The following CCR1 variants were observed in gnomAD, a reference collection of about 807,000 sequenced individuals.
The protein encoded by CCR1 is C-C motif chemokine receptor 1, also known as C-C chemokine receptor type 1.
In CCR1, 1 loss-of-function variant was observed where a neutral mutation model predicts 0.3. The observed-to-expected ratio is 3.70, with a 90% CI of 1.31 to 17.54. The LOEUF (loss-of-function observed/expected upper bound fraction) is 17.54, where lower values mean the gene tolerates loss of function less well. Among genes scored for constraint, CCR1 ranks in the 30% most tolerant of loss-of-function variants. CCR1 has a pLI of 0.11. For synonymous variants in CCR1, 207 were observed against 182.5 expected (o/e 1.13, Z -1.08); for missense variants, 349 against 435.4 (o/e 0.80, Z 1.77).
intron 1 of CCR1, among the ~76,000 whole-genome samples, chr3:46,206,138 A>G (rs545000593): frequency 2.6e-5 from 4 of 152,240 alleles, no homozygotes; most frequent in Non-Finnish European, 5.9e-5. Context: ...TTTCTATCTT[A>G]AACCTGGGTC....
At chr3:46,207,074 T>G (rs926316830) in intron 1 of CCR1, among the ~76,000 whole-genome samples, 2 of 152,076 alleles carry the variant, frequency 1.3e-5, no homozygotes, top group Admixed American at 1.3e-4. Context: ...CTGACCACAG[T>G]GGGGGCATTT....
Position 46,203,508 on chromosome 3 carries a change from A to G in CCR1, c.806T>C (p.Phe269Ser). 1 of 1,614,222 alleles carries G rather than the reference A, an allele frequency of 6.2e-7. No homozygotes were observed. Among genetic ancestry groups the G allele is most frequent in the Non-Finnish European group, 8.5e-7 (1 of 1,180,030 alleles). The change falls in exon 2 of 2, where the codon TTC (phenylalanine) becomes TCC (serine). Residue 269 changes from phenylalanine (F) to serine (S), a missense_variant. Physicochemically the swap from Phe to Ser is radical, Grantham distance 155. Transcript: ENST00000296140. This position sits in a 1 kb window ranked among gnomAD's most constrained non-coding sequence, Gnocchi z 4.5. Reference protein sequence around the residue: ...ILISVFQDFLFTHECEQSRHL... With the variant: ...ILISVFQDFLSTHECEQSRHL... Reference sequence around the variant, plus strand: ...TCTGCTCTGCTCACACTCATGGGTGAACAGGAAGTCTTGGAAAACAGAAAT... The same window carrying G: ...TCTGCTCTGCTCACACTCATGGGTGGACAGGAAGTCTTGGAAAACAGAAAT...
intron 1 of CCR1, among the ~76,000 whole-genome samples, chr3:46,205,338 C>T (rs960987263): frequency 2.0e-5 from 3 of 152,038 alleles, no homozygotes; most frequent in African/African-American, 7.3e-5. Context: ...GGGAGGTAAC[C>T]TGGTCAGAAA....
rs1413208748 is a variant in CCR1 at position 46,202,328 on chromosome 3, C to T, written c.*918G>A. 1.3e-5 allele frequency: 2 copies of T among 152,188 alleles called. No individual in the cohort carries two copies. Among genetic ancestry groups the T allele is most frequent in the African/African-American group, 4.8e-5 (2 of 41,514 alleles). The allele number at this position is 152,188 out of a possible 1,614,324, so 9.4% of individuals were successfully genotyped here. ...AAAAGAAGGGAAACCAACCCTGCTTCCTTTTGCCTGTTATTAATCGCTGCA... is the reference window on the plus strand; with the variant it reads ...AAAAGAAGGGAAACCAACCCTGCTTTCTTTTGCCTGTTATTAATCGCTGCA... On this transcript the variant is annotated 3_prime_UTR_variant, in exon 2 of 2. Coordinates refer to ENST00000296140, the MANE Select transcript of CCR1 (RefSeq NM_001295.3).
intron 1 of CCR1, among the ~76,000 whole-genome samples, chr3:46,206,742 G>T (rs1044808898): frequency 3.9e-5 from 6 of 152,220 alleles, no homozygotes; most frequent in Admixed American, 6.5e-5. Flanking sequence ...TGTTCCTAAA[G>T]GGAGGTGATC....
chr3:46,207,685 G>A (rs1166807494), intron 1 of CCR1, among the ~76,000 whole-genome samples: 7 of 147,730 alleles, frequency 4.7e-5, no homozygotes, highest in South Asian at 2.1e-4. Flanking sequence ...TTGCTCTGTC[G>A]CCAGGCTGGA....
At chr3:46,207,841 C>G (rs1381812418) in intron 1 of CCR1, among the ~76,000 whole-genome samples, 1 of 152,080 alleles carries the variant, frequency 6.6e-6, no homozygotes, top group Non-Finnish European at 1.5e-5. Flanking sequence ...CAGGGTTTCA[C>G]CATATGGCCA....
Position 46,203,120 on chromosome 3 carries a change from A to C in CCR1, c.*126T>G. On this transcript the variant is annotated 3_prime_UTR_variant, in exon 2 of 2. Coordinates refer to ENST00000296140, the MANE Select transcript of CCR1 (RefSeq NM_001295.3). The surrounding 1 kb of genome is among the most constrained non-coding windows in gnomAD (Gnocchi z 4.5). ...CAGGCCACCATTACATTCCCTCTCT[A>C]TCCCAAGTGGCTGTGACTCCATGCT... 2 of 649,482 alleles carry C rather than the reference A, an allele frequency of 3.1e-6. No individual in the cohort carries two copies. The highest frequency in any genetic ancestry group is 2.7e-5 in the East Asian group (1 of 36,642). 40.2% of individuals were successfully genotyped at this position (649,482 alleles called of 1,614,324 possible).
chr3:46,207,271 CT>C, intron 1 of CCR1, among the ~76,000 whole-genome samples: 1 of 152,256 alleles, frequency 6.6e-6, no homozygotes, highest in South Asian at 2.1e-4. Context: ...GTTGTGCAAA[CT>C]TTTGGGAGTT....
rs1348077812 is a variant in CCR1 at position 46,202,271 on chromosome 3, C to G, written c.*975G>C. 12 of 151,682 alleles carry G rather than the reference C, an allele frequency of 7.9e-5. No individual in the cohort carries two copies. The highest frequency in any genetic ancestry group is 7.9e-4 in the Admixed American group (12 of 15,226). The allele number at this position is 151,682 out of a possible 1,614,324, so 9.4% of individuals were successfully genotyped here. A position where few individuals can be genotyped will look rare whatever the true frequency, so the allele number is the denominator to read the frequency against. On this transcript the variant is annotated 3_prime_UTR_variant, in exon 2 of 2. Coordinates refer to ENST00000296140, the MANE Select transcript of CCR1 (RefSeq NM_001295.3). ...TCCAAGATGGCAGTCGGAACTCTGA[C>G]CCATAAAACCAGAAGGCTTAGATGA... is the stretch of plus-strand genomic sequence containing the variant.
At position 46,204,199 on chromosome 3, in the gene CCR1, G is replaced by T; in HGVS notation, c.115C>A (p.Pro39Thr). 6.2e-7 allele frequency: 1 copy of T among 1,614,102 alleles called. No individual in the cohort carries two copies. The highest frequency in any genetic ancestry group is 8.5e-7 in the Non-Finnish European group (1 of 1,180,008). Residue 39 changes from proline (P) to threonine (T), a missense_variant, in exon 2 of 2, where the codon CCT becomes ACT. Pro to Thr is a conservative substitution (Grantham distance 38). Transcript: ENST00000296140. ...ERAFGAQLLPPLYSLVFVIGL... is the reference protein window; with the variant it reads ...ERAFGAQLLPTLYSLVFVIGL... Reference sequence around the variant, plus strand: ...ATGACAAATACCAAGGAGTACAGAGGGGGCAGCAGTTGGGCCCCAAAGGCC... The same window carrying T: ...ATGACAAATACCAAGGAGTACAGAGTGGGCAGCAGTTGGGCCCCAAAGGCC...
At position 46,202,201 on chromosome 3, in the gene CCR1, C is replaced by T. The variant is rs200415339; in HGVS notation, c.*1045G>A. On this transcript the variant is annotated 3_prime_UTR_variant, in exon 2 of 2. Transcript: ENST00000296140. ...CAGCTACAAATACTGTCAGCTTACA[C>T]AGCAGGCCTTATTATTATTATTATT... is the stretch of plus-strand genomic sequence containing the variant. 3 of 151,740 alleles carry T rather than the reference C, an allele frequency of 2.0e-5. No individual in the cohort carries two copies. Among genetic ancestry groups the T allele is most frequent in the Non-Finnish European group, 2.9e-5 (2 of 67,994 alleles). 9.4% of individuals were successfully genotyped at this position (151,740 alleles called of 1,614,324 possible).
At position 46,203,593 on chromosome 3, in the gene CCR1, T is replaced by A. The variant is rs1400565580; in HGVS notation, c.721A>T (p.Ile241Phe). The A allele has an allele frequency of 2.5e-6, 4 of 1,614,068 alleles. No individual in the cohort carries two copies. ...AAAAAGATGATCATGATGACAAAAA[T>A]CAAACGGACAGCTTTGGATTTCTTC... ...NEKKSKAVRL[I>F]FVIMIIFFLF... The change falls in exon 2 of 2, where the codon ATT (isoleucine) becomes TTT (phenylalanine). Residue 241 changes from isoleucine (I) to phenylalanine (F), a missense_variant. Physicochemically the swap from Ile to Phe is conservative, Grantham distance 21 (BLOSUM62 0). Transcript: ENST00000296140. This position sits in a 1 kb window ranked among gnomAD's most constrained non-coding sequence, Gnocchi z 4.5.
In CCR1 at chr3:46,204,246, G is replaced by A. The variant is rs762847590; in HGVS notation, c.68C>T (p.Pro23Leu). 5.6e-6 allele frequency: 9 copies of A among 1,613,728 alleles called. No homozygotes were observed. The highest frequency in any genetic ancestry group is 1.7e-5 in the Admixed American group (1 of 59,986). The change falls in exon 2 of 2, where the codon CCG (proline) becomes CTG (leucine). Residue 23 changes from proline (P) to leucine (L), a missense_variant. Pro to Leu is a moderately conservative substitution (Grantham distance 98). Transcript: ENST00000296140. Reference protein sequence around the residue: ...TTEFDYGDATPCQKVNERAFG... With the variant: ...TTEFDYGDATLCQKVNERAFG... ...GGCCCTCTCGTTCACCTTCTGGCACGGAGTTGCATCCCCATAGTCAAACTC... is the reference window on the plus strand; with the variant it reads ...GGCCCTCTCGTTCACCTTCTGGCACAGAGTTGCATCCCCATAGTCAAACTC...
In CCR1 at chr3:46,203,093, CCCAGGCCA is replaced by C. The variant is rs1699612240; in HGVS notation, c.*145_*152del. ...CTGAAGCCCCAGAAGCCTCAGAAGCCCCAGGCCACCATTACATTCCCTCTCTATCCCAA... is the reference window on the plus strand; with the variant it reads ...CTGAAGCCCCAGAAGCCTCAGAAGCCCCATTACATTCCCTCTCTATCCCAA... On this transcript the variant is annotated 3_prime_UTR_variant, in exon 2 of 2. Coordinates refer to ENST00000296140, the MANE Select transcript of CCR1 (RefSeq NM_001295.3). The surrounding 1 kb of genome is among the most constrained non-coding windows in gnomAD (Gnocchi z 4.5). 8.5e-6 allele frequency: 5 copies of C among 584,914 alleles called. No individual in the cohort carries two copies. Among genetic ancestry groups the C allele is most frequent in the African/African-American group, 1.9e-5 (1 of 53,646 alleles). The allele number at this position is 584,914 out of a possible 1,614,324, so 36.2% of individuals were successfully genotyped here.
At chr3:46,207,571 G>A (rs536639762) in intron 1 of CCR1, among the ~76,000 whole-genome samples, 1 of 152,110 alleles carries the variant, frequency 6.6e-6, no homozygotes, top group African/African-American at 2.4e-5. Flanking sequence ...GATTTTTCTA[G>A]CTAATATTTC....
intron 1 of CCR1, among the ~76,000 whole-genome samples, chr3:46,205,294 C>T (rs1404360534): frequency 6.6e-6 from 1 of 152,092 alleles, no homozygotes; most frequent in African/African-American, 2.4e-5. Context: ...CTTTGCAGAC[C>T]TCCTGAAGGA....
chr3:46,203,466 AC>A lies in CCR1; in HGVS notation c.847del (p.Val283CysfsTer3). 1 of 1,614,188 alleles carries A rather than the reference AC, an allele frequency of 6.2e-7. No individual in the cohort carries two copies. Among genetic ancestry groups the A allele is most frequent in the Non-Finnish European group, 8.5e-7 (1 of 1,180,038 alleles). ...CEQSRHLDLA[V>X]QVTEVIAYTH... is the part of the protein sequence containing the mutation. The stretch of plus-strand genomic sequence containing the variant: ...GTAGGCGATCACCTCCGTCACTTGC[AC>A]AGCCAGGTCCAAATGTCTGCTCTGC... On this transcript the variant is annotated frameshift_variant, in exon 2 of 2. Transcript: ENST00000296140. LOFTEE classifies it low-confidence loss of function (END_TRUNC). This position sits in a 1 kb window ranked among gnomAD's most constrained non-coding sequence, Gnocchi z 4.5.
At chr3:46,204,933 A>G (rs1313530410) in intron 1 of CCR1, among the ~76,000 whole-genome samples, 1 of 152,206 alleles carries the variant, frequency 6.6e-6, no homozygotes, top group Non-Finnish European at 1.5e-5. Context: ...GGACTCTGAG[A>G]AGGAAAATGG....
Sources: allele counts gnomAD v4.1 joint callset (sites outside exome capture counted in the v4.1 genomes callset), GRCh38; gene constraint gnomAD v4.1.1; non-coding constraint Gnocchi (gnomAD v3.1); transcripts MANE v1.5; gene names NCBI Gene and HGNC (gene_info 2026-07-23, HGNC 2026-07-21).